Variants in VPS41 observed in about 807,000 individuals in gnomAD.
VPS41 encodes the protein vacuolar protein sorting-associated protein 41 homolog.
Under a neutral mutation model 130.9 loss-of-function variants are expected in VPS41, and 85 were observed. That is an observed-to-expected ratio of 0.65 (90% CI 0.55 to 0.78). VPS41 has a LOEUF of 0.78. VPS41 is among the 30% of genes least tolerant of loss of function. The pLI is 0.00. For missense variants in VPS41, 874 were observed against 1,018.7 expected (o/e 0.86, Z 1.93); for synonymous variants, 335 against 332.9 (o/e 1.01, Z -0.07).
intron 4 of VPS41, among the ~76,000 whole-genome samples, chr7:38,838,227 A>G (rs1220442356): frequency 6.6e-6 from 1 of 151,780 alleles, no homozygotes; most frequent in Non-Finnish European, 1.5e-5. Flanking sequence ...CAACAACAGG[A>G]AAAAAAACAA....
intron 7 of VPS41, among the ~76,000 whole-genome samples, chr7:38,806,501 A>G (rs1391559980): frequency 6.6e-6 from 1 of 152,354 alleles, no homozygotes; most frequent in East Asian, 1.9e-4. Flanking sequence ...ATGTACAGTG[A>G]TAAGTTAAAA....
chr7:38,905,176 TAC>T (rs369394843), intron 1 of VPS41, among the ~76,000 whole-genome samples: 85 of 152,286 alleles, frequency 5.6e-4, no homozygotes, highest in African/African-American at 2.0e-3. Flanking sequence ...CTGTGGAAGA[TAC>T]AGACATGAGT....
At chr7:38,832,562 T>C (rs1358045826) in intron 4 of VPS41, among the ~76,000 whole-genome samples, 2 of 152,156 alleles carry the variant, frequency 1.3e-5, no homozygotes, top group Non-Finnish European at 2.9e-5. Flanking sequence ...GATTTAATTA[T>C]AGAGGGTGTA....
intron 2 of VPS41, among the ~76,000 whole-genome samples, chr7:38,877,046 T>TAACC (rs1786507102): frequency 6.6e-6 from 1 of 152,194 alleles, no homozygotes; most frequent in Admixed American, 6.5e-5. Context: ...AAAGCCAACA[T>TAACC]AACCCTCTTT....
At chr7:38,728,892 A>G (rs1795602651) in intron 25 of VPS41, 101 bp from the exon 26 acceptor site, 1 of 1,055,362 alleles carries the variant, frequency 9.5e-7, no homozygotes, top group East Asian at 2.5e-5. Flanking sequence ...CATGCTTGAA[A>G]TACTCAAAAG....
chr7:38,791,487 G>A (rs992019195), intron 9 of VPS41, among the ~76,000 whole-genome samples: 2 of 152,152 alleles, frequency 1.3e-5, no homozygotes, highest in East Asian at 1.9e-4. Flanking sequence ...GTGCAGTGGG[G>A]GAGACACAAA....
chr7:38,834,215 G>A (rs1408323838), intron 4 of VPS41, among the ~76,000 whole-genome samples: 1 of 152,022 alleles, frequency 6.6e-6, no homozygotes, highest in Non-Finnish European at 1.5e-5. Flanking sequence ...AAGATGTTGA[G>A]AGCTCTCCCT....
chr7:38,859,203 G>A (rs938031857), intron 4 of VPS41, among the ~76,000 whole-genome samples: 1 of 151,986 alleles, frequency 6.6e-6, no homozygotes, highest in Non-Finnish European at 1.5e-5. Flanking sequence ...CTTGCTTTAA[G>A]GTGTGCTATT....
chr7:38,885,532 C>T, intron 2 of VPS41, among the ~76,000 whole-genome samples: 1 of 152,168 alleles, frequency 6.6e-6, no homozygotes, highest in East Asian at 1.9e-4. Context: ...TGTTAAGATA[C>T]TACAATTTTG....
Position 38,898,088 on chromosome 7 carries a change from T to C in VPS41, c.60+3A>G, listed in dbSNP as rs1413745466. 1 of 1,613,552 alleles carries C rather than the reference T, an allele frequency of 6.2e-7. No individual in the cohort carries two copies. The highest frequency in any genetic ancestry group is 8.5e-7 in the Non-Finnish European group (1 of 1,179,646). On this transcript the variant is annotated splice_donor_region_variant and intron_variant, in intron 2 of 28. Coordinates refer to ENST00000310301, the MANE Select transcript of VPS41 (RefSeq NM_014396.4). ...TCCGAGGGCTCCTGAGTCACCACCT[T>C]ACCTCAGACTCATCTGTAGATTCTT...
rs1784602619 is a variant in VPS41, at chr7:38,795,536, C to A, written c.646G>T (p.Asp216Tyr). The A allele has an allele frequency of 6.2e-7, 1 of 1,613,578 alleles. No individual in the cohort carries two copies. The highest frequency in any genetic ancestry group is 1.1e-5 in the South Asian group (1 of 91,044). ...CAGCAGAGGCTGCAGGGATACATGT[C>A]TGGGCGAAGACTTATATCATCCCGG... is the stretch of plus-strand genomic sequence containing the variant. ...VPRDDISLRPDMYPCSLCWKD... is the reference protein window; with the variant it reads ...VPRDDISLRPYMYPCSLCWKD... Residue 216 changes from aspartate to tyrosine, a missense_variant, in exon 9 of 29, where the codon GAC becomes TAC. Transcript: ENST00000310301.
At chr7:38,745,046 T>C (rs1049423581) in intron 23 of VPS41, among the ~76,000 whole-genome samples, 3 of 152,172 alleles carry the variant, frequency 2.0e-5, no homozygotes, top group Non-Finnish European at 2.9e-5. Context: ...ACAAGTTTTG[T>C]TTCTTGGTAT....
At chr7:38,902,637 G>A (rs1238053727) in intron 1 of VPS41, among the ~76,000 whole-genome samples, 2 of 152,092 alleles carry the variant, frequency 1.3e-5, no homozygotes, top group African/African-American at 2.4e-5. Context: ...GCCTGCTCAT[G>A]TGCACCACCC....
At chr7:38,730,331 C>A (rs1328616479) in intron 25 of VPS41, among the ~76,000 whole-genome samples, 1 of 152,190 alleles carries the variant, frequency 6.6e-6, no homozygotes. Context: ...TCCACGTGTT[C>A]CTCTGAAAAT....
In VPS41 at chr7:38,777,230, A is replaced by T. The variant is rs180788801; in HGVS notation, c.785-454T>A. On this transcript the variant is annotated intron_variant, in intron 10 of 28. Transcript: ENST00000310301. ...AGAATGTTATCTGTAATTATGAAAC[A>T]CTATTTTGGAGAAGAGGGATATTAT... Among the ~76,000 whole-genome samples, 134 of 152,280 alleles carry T rather than the reference A, an allele frequency of 8.8e-4. No individual in the cohort carries two copies. In the East Asian group the frequency reaches 0.019, roughly 22 times the overall value.
chr7:38,824,117 T>G (rs924725776), intron 5 of VPS41, among the ~76,000 whole-genome samples: 2 of 152,190 alleles, frequency 1.3e-5, no homozygotes, highest in Admixed American at 6.5e-5. Flanking sequence ...TCAGTATGAA[T>G]ACCTGCTCAA....
At chr7:38,745,428 A>C (rs1227288044) in intron 23 of VPS41, 131 bp downstream of exon 23, 3 of 728,028 alleles carry the variant, frequency 4.1e-6, no homozygotes, top group Non-Finnish European at 7.2e-6. Context: ...CATATATTAA[A>C]TTATTGTAAA....
intron 14 of VPS41, among the ~76,000 whole-genome samples, chr7:38,770,574 T>C (rs1784135874): frequency 6.6e-6 from 1 of 152,172 alleles, no homozygotes; most frequent in Non-Finnish European, 1.5e-5. Flanking sequence ...AAAGAATTTG[T>C]ACTGAAACCC....
At chr7:38,869,281 C>G in intron 2 of VPS41, 28 bp from the exon 3 acceptor site, 1 of 1,503,294 alleles carries the variant, frequency 6.7e-7, no homozygotes, top group Non-Finnish European at 9.2e-7. Flanking sequence ...AAAAATGACA[C>G]CCGTCAGAGA....
Sources: gnomAD v4.1 joint callset for allele counts (sites outside exome capture counted in the v4.1 genomes callset) on GRCh38, gnomAD v4.1.1 for gene constraint, MANE v1.5 for transcripts, NCBI Gene and HGNC (gene_info 2026-07-23, HGNC 2026-07-21) for gene names.